The following SH3BP5 variants were observed in gnomAD, a reference collection of about 807,000 sequenced individuals.
SH3BP5 encodes the protein SH3 domain-binding protein 5.
In SH3BP5, 22 loss-of-function variants were observed where a neutral mutation model predicts 43.3. The ratio of observed to expected loss-of-function variants is 0.51; its 90% CI spans 0.36 to 0.73. The LOEUF is 0.73. Ranked by LOEUF, SH3BP5 falls within the 30% of genes least tolerant of loss-of-function variation. The pLI is 0.00. For synonymous variants in SH3BP5, 255 were observed against 225.8 expected, an observed-to-expected ratio of 1.13 and a Z score of -1.16; for missense variants, 529 against 586.9, an observed-to-expected ratio of 0.90 and a Z score of 1.02.
chr3:15,259,172 G>A (rs1696336697), intron 6 of SH3BP5, 122 bp from the exon 7 acceptor site: 1 of 759,148 alleles, frequency 1.3e-6, no homozygotes, highest in African/African-American at 1.7e-5. Context: ...TCCAAGACAT[G>A]ACTGAAGACC....
At chr3:15,286,899 C>T (rs571477003) in intron 3 of SH3BP5, among the ~76,000 whole-genome samples, 9 of 152,276 alleles carry the variant, frequency 5.9e-5, no homozygotes, top group South Asian at 4.1e-4. Context: ...CTTTGCACCA[C>T]GCAACATGAA....
chr3:15,334,261 T>C (rs1211272053), upstream of SH3BP5, among the ~76,000 whole-genome samples: 2 of 152,168 alleles, frequency 1.3e-5, no homozygotes, highest in African/African-American at 4.8e-5. Flanking sequence ...CCAGCTATAG[T>C]GTTAATCCTA....
At chr3:15,300,130 CATT>C (rs1435683315) in intron 3 of SH3BP5, among the ~76,000 whole-genome samples, 1 of 151,942 alleles carries the variant, frequency 6.6e-6, no homozygotes, top group African/African-American at 2.4e-5. Flanking sequence ...ATGTAATTAT[CATT>C]ATTTCTTTTT....
upstream of SH3BP5, among the ~76,000 whole-genome samples, chr3:15,335,327 G>A (rs775286703): frequency 3.3e-5 from 5 of 152,092 alleles, no homozygotes; most frequent in Admixed American, 2.6e-4. Context: ...GCAGTGAACC[G>A]AGATGATACC....
intron 3 of SH3BP5, among the ~76,000 whole-genome samples, chr3:15,284,434 A>G (rs898857369): frequency 5.9e-5 from 9 of 152,218 alleles, no homozygotes; most frequent in Non-Finnish European, 1.0e-4. Context: ...TCAAACTTTC[A>G]TAAGCTAATC....
At position 15,320,640 on chromosome 3, in the gene SH3BP5, A is replaced by ACACACACACGCT. The variant is rs373879792; in HGVS notation, c.201+9863_201+9864insAGCGTGTGTGTG. 2.7e-3 allele frequency among the ~76,000 whole-genome samples: 399 copies of ACACACACACGCT among 149,672 alleles called. 3 individuals carry two copies. The highest frequency in any genetic ancestry group is 9.3e-3 in the African/African-American group (376 of 40,316). ...CACACACACACACACACACACACACACCCCACTACGTTAAAGTCCCTACAA... is the reference window on the plus strand; with the variant it reads ...CACACACACACACACACACACACACACACACACACGCTCCCCACTACGTTAAAGTCCCTACAA... On this transcript the variant is annotated intron_variant, in intron 2 of 8. Coordinates refer to ENST00000383791, the MANE Select transcript of SH3BP5 (RefSeq NM_004844.5).
intron 2 of SH3BP5, among the ~76,000 whole-genome samples, chr3:15,306,512 A>G (rs550218329): frequency 1.2e-3 from 166 of 142,256 alleles, no homozygotes; most frequent in Middle Eastern, 7.0e-3. Context: ...GTCTCAAAAC[A>G]AAAACAAAAG....
intron 3 of SH3BP5, among the ~76,000 whole-genome samples, chr3:15,288,634 G>C (rs997078958): frequency 6.6e-6 from 1 of 152,210 alleles, no homozygotes; most frequent in African/African-American, 2.4e-5. Context: ...GTATGCACCT[G>C]TAAGGTGAGG....
intron 4 of SH3BP5, among the ~76,000 whole-genome samples, chr3:15,264,697 T>G (rs1696572294): frequency 6.6e-6 from 1 of 152,152 alleles, no homozygotes; most frequent in Admixed American, 6.6e-5. Context: ...GAGAATCCTT[T>G]CCCTTTGCTT....
chr3:15,271,469 G>A (rs568241219), intron 3 of SH3BP5: 1 of 152,318 alleles, frequency 6.6e-6, no homozygotes, highest in East Asian at 1.9e-4. Flanking sequence ...CACAAGGTCA[G>A]GAGTTTGAGA....
chr3:15,300,693 A>G (rs1483324198), intron 3 of SH3BP5, among the ~76,000 whole-genome samples: 1 of 152,056 alleles, frequency 6.6e-6, no homozygotes, highest in Non-Finnish European at 1.5e-5. Context: ...GCCTTTGAAC[A>G]TCCTTCCAGT....
chr3:15,269,798 G>C lies in SH3BP5; in HGVS notation c.410C>G (p.Ser137Cys), dbSNP rs533886632. The change falls in exon 4 of 9, where the codon TCC (serine) becomes TGC (cysteine). Residue 137 changes from serine (S) to cysteine (C), a missense_variant. Physicochemically the swap from Ser to Cys is moderately radical, Grantham distance 112. Coordinates refer to ENST00000383791, the MANE Select transcript of SH3BP5 (RefSeq NM_004844.5). ...EVLRAAKETISLAEQRLLEDD... is the reference protein window; with the variant it reads ...EVLRAAKETICLAEQRLLEDD... ...CTCCAGCAGCCGCTGCTCGGCCAGG[G>C]AGATGGTCTCCTTGGCGGCACGGAG... The C allele has an allele frequency of 3.1e-6, 5 of 1,611,574 alleles. No individual in the cohort carries two copies. The highest frequency in any genetic ancestry group is 3.3e-5 in the Admixed American group (2 of 59,744).
chr3:15,277,179 T>C (rs1474068793), intron 3 of SH3BP5, among the ~76,000 whole-genome samples: 6 of 152,148 alleles, frequency 3.9e-5, no homozygotes, highest in Admixed American at 3.9e-4. Flanking sequence ...GGTTTCACCA[T>C]GTTGGCCAGG....
At chr3:15,301,171 T>C (rs1234007444) in intron 3 of SH3BP5, among the ~76,000 whole-genome samples, 2 of 152,142 alleles carry the variant, frequency 1.3e-5, no homozygotes, top group African/African-American at 4.8e-5. Flanking sequence ...ACCCAACTGC[T>C]AAACGGGATT....
intron 2 of SH3BP5, among the ~76,000 whole-genome samples, chr3:15,324,856 C>CA (rs373214083): frequency 0.24 from 27,238 of 114,136 alleles, 2,614 homozygotes; most frequent in Middle Eastern, 0.33. Flanking sequence ...TCCTTGGGTC[C>CA]AAAAAAAAAA....
intron 3 of SH3BP5, among the ~76,000 whole-genome samples, chr3:15,281,779 G>A (rs537941823): frequency 6.6e-6 from 1 of 152,154 alleles, no homozygotes; most frequent in Non-Finnish European, 1.5e-5. Context: ...GAGGCAGGTG[G>A]ATTACATGAG....
chr3:15,297,171 A>ATC (rs953932694), intron 3 of SH3BP5, among the ~76,000 whole-genome samples: 35 of 152,160 alleles, frequency 2.3e-4, no homozygotes, highest in African/African-American at 8.2e-4. Context: ...ATGCCACACT[A>ATC]TCCCTTTGGG....
chr3:15,322,689 G>A (rs912252860), intron 2 of SH3BP5, among the ~76,000 whole-genome samples: 1 of 152,106 alleles, frequency 6.6e-6, no homozygotes, highest in Non-Finnish European at 1.5e-5. Context: ...ACAAAAATTA[G>A]CCAGGCGTGG....
chr3:15,255,986 G>C lies in SH3BP5; in HGVS notation c.*100C>G, dbSNP rs1696179876. 1.0e-6 allele frequency: 1 copy of C among 963,316 alleles called. No individual in the cohort carries two copies. Among genetic ancestry groups the C allele is most frequent in the East Asian group, 2.4e-5 (1 of 41,632 alleles). The allele number at this position is 963,316 out of a possible 1,614,324, so 59.7% of individuals were successfully genotyped here. ...AACTTCATTAGAGCAGTTTAGAGTA[G>C]ACGTGTAAGATTTGGCATATATTAA... On this transcript the variant is annotated 3_prime_UTR_variant, in exon 9 of 9. Transcript: ENST00000383791.
Sources: allele counts gnomAD v4.1 joint callset (sites outside exome capture counted in the v4.1 genomes callset), GRCh38; gene constraint gnomAD v4.1.1; transcripts MANE v1.5; gene names NCBI Gene and HGNC (gene_info 2026-07-23, HGNC 2026-07-21).